COP1: variants seen among roughly 807,000 people sequenced by gnomAD.
COP1 encodes COP1 E3 ubiquitin ligase, also known as E3 ubiquitin-protein ligase COP1.
COP1 carries 24 observed loss-of-function variants against 101.3 expected under a neutral mutation model. That is an observed-to-expected ratio of 0.24 (90% CI 0.17 to 0.33). COP1 has a LOEUF of 0.33. Ranked by LOEUF, COP1 falls within the 10% of genes least tolerant of loss-of-function variation. The probability of loss-of-function intolerance (pLI) is 1.00; values close to 1 mark genes in which losing one functional copy is unlikely to be tolerated. For synonymous variants in COP1, 347 were observed against 341.9 expected (o/e 1.01, Z -0.17); for missense variants, 663 against 906.2 (o/e 0.73, Z 3.45).
At position 176,027,636 on chromosome 1, in the gene COP1, C is replaced by T. The variant is rs767502360; in HGVS notation, c.1665G>A (p.Lys555=). 1.8e-5 allele frequency: 29 copies of T among 1,613,798 alleles called. No homozygotes were observed. Among genetic ancestry groups the T allele is most frequent in the Middle Eastern group, 3.3e-4 (2 of 6,074 alleles). The change falls in exon 15 of 20, where the codon AAG becomes AAA. Residue 555 remains lysine (K), a synonymous_variant. Coordinates refer to ENST00000367669, the MANE Select transcript of COP1 (RefSeq NM_022457.7). ...TGAATTTAACACAGCACACATTAGCCTTTGCCTCAATGCTTGCCACTGAGT... is the reference window on the plus strand; with the variant it reads ...TGAATTTAACACAGCACACATTAGCTTTTGCCTCAATGCTTGCCACTGAGT... The part of the protein sequence containing the change: ...LDNSVASIEA[K]ANVCCVKFSP...
intron 9 of COP1, among the ~76,000 whole-genome samples, chr1:176,095,036 A>G (rs928237539): frequency 1.3e-5 from 2 of 152,182 alleles, no homozygotes; most frequent in African/African-American, 2.4e-5. Flanking sequence ...AATGAAGCTA[A>G]AAGTGTCTGT....
At chr1:176,020,574 A>T (rs1199920541) in intron 15 of COP1, among the ~76,000 whole-genome samples, 1 of 152,110 alleles carries the variant, frequency 6.6e-6, no homozygotes, top group Non-Finnish European at 1.5e-5. Flanking sequence ...GCTGCTCAGG[A>T]GGCTGAGGCA....
At chr1:176,024,504 A>C (rs776147568) in intron 15 of COP1, among the ~76,000 whole-genome samples, 21 of 152,230 alleles carry the variant, frequency 1.4e-4, no homozygotes, top group Non-Finnish European at 3.1e-4. Context: ...GATAAAAAGT[A>C]TCTACAAAAA....
chr1:175,973,139 A>G (rs1558185898), intron 18 of COP1, among the ~76,000 whole-genome samples: 1 of 152,080 alleles, frequency 6.6e-6, no homozygotes. Context: ...GCCAAGCCTT[A>G]TTTTTTTAAC....
At chr1:176,158,656 T>C (rs12734667) in intron 5 of COP1, among the ~76,000 whole-genome samples, 3 of 104,682 alleles carry the variant, frequency 2.9e-5, no homozygotes, top group East Asian at 5.7e-4. Flanking sequence ...TTTTTTTTTG[T>C]GGAGATGGAG....
chr1:176,089,565 A>T (rs1486501998), intron 9 of COP1, among the ~76,000 whole-genome samples: 1 of 152,212 alleles, frequency 6.6e-6, no homozygotes, highest in East Asian at 1.9e-4. Flanking sequence ...TAAAGTAAAA[A>T]GTACTAAGGT....
At chr1:176,057,775 A>G (rs1220162433) in intron 11 of COP1, among the ~76,000 whole-genome samples, 1 of 152,020 alleles carries the variant, frequency 6.6e-6, no homozygotes. Context: ...GGAAGTGAGG[A>G]GCGTCTCTGC....
chr1:176,173,767 C>T (rs1198301301), intron 3 of COP1, among the ~76,000 whole-genome samples: 2 of 151,772 alleles, frequency 1.3e-5, no homozygotes, highest in Admixed American at 6.6e-5. Context: ...GCGGGAGGAT[C>T]GCTTGAGTCC....
chr1:176,153,811 T>A (rs1330035912), intron 5 of COP1, among the ~76,000 whole-genome samples: 1 of 152,230 alleles, frequency 6.6e-6, no homozygotes, highest in Non-Finnish European at 1.5e-5. Context: ...GGGCTGAATT[T>A]TGTTGAAAGT....
At chr1:176,157,521 A>G (rs1398872010) in intron 5 of COP1, among the ~76,000 whole-genome samples, 4 of 152,194 alleles carry the variant, frequency 2.6e-5, no homozygotes, top group Admixed American at 2.0e-4. Flanking sequence ...CAGAGTAGAA[A>G]AACCAAGAAA....
intron 3 of COP1, among the ~76,000 whole-genome samples, chr1:176,172,291 C>T (rs1376032380): frequency 6.6e-6 from 1 of 152,218 alleles, no homozygotes; most frequent in African/African-American, 2.4e-5. Context: ...AGCCTCCTGC[C>T]TCAGCCTTCC....
intron 8 of COP1, among the ~76,000 whole-genome samples, chr1:176,127,183 A>C (rs796614049): frequency 1.2e-4 from 19 of 152,288 alleles, no homozygotes; most frequent in African/African-American, 4.1e-4. Flanking sequence ...TAGCATATCC[A>C]CCACCTCAAA....
At chr1:176,097,015 C>T (rs895688580) in intron 9 of COP1, among the ~76,000 whole-genome samples, 11 of 152,276 alleles carry the variant, frequency 7.2e-5, no homozygotes, top group African/African-American at 2.2e-4. Context: ...TTCTCTTCCC[C>T]TCCACGAAAT....
intron 5 of COP1, among the ~76,000 whole-genome samples, chr1:176,159,631 A>G (rs1458790160): frequency 2.0e-5 from 3 of 151,896 alleles, no homozygotes; most frequent in Non-Finnish European, 4.4e-5. Flanking sequence ...TAAAATAAAT[A>G]AACCAAATCT....
chr1:176,199,141 C>T (rs1002378607), intron 1 of COP1, among the ~76,000 whole-genome samples: 1 of 152,054 alleles, frequency 6.6e-6, no homozygotes, highest in Admixed American at 6.6e-5. Flanking sequence ...CACAGTGAAA[C>T]CCCATCTCTA....
intron 11 of COP1, among the ~76,000 whole-genome samples, chr1:176,052,680 C>G (rs962225777): frequency 6.6e-6 from 1 of 152,180 alleles, no homozygotes; most frequent in Non-Finnish European, 1.5e-5. Context: ...CTCCCTCCCA[C>G]TCTTGCCAAA....
At chr1:176,076,739 A>G (rs967914886) in intron 11 of COP1, among the ~76,000 whole-genome samples, 1 of 152,174 alleles carries the variant, frequency 6.6e-6, no homozygotes, top group Non-Finnish European at 1.5e-5. Context: ...TAACAAAGAA[A>G]AAAAAAGAGA....
chr1:176,082,215 T>C (rs1422070243), intron 10 of COP1, among the ~76,000 whole-genome samples: 2 of 152,220 alleles, frequency 1.3e-5, no homozygotes, highest in Non-Finnish European at 2.9e-5. Context: ...TTTAGTTTCC[T>C]AGACTGAAAC....
intron 18 of COP1, among the ~76,000 whole-genome samples, chr1:175,959,600 CA>C (rs1190983916): frequency 6.6e-6 from 1 of 151,962 alleles, no homozygotes; most frequent in Non-Finnish European, 1.5e-5. Flanking sequence ...GAGAGTTTAG[CA>C]AGATGGTTGG....
Sources: gnomAD v4.1 joint callset for allele counts (sites outside exome capture counted in the v4.1 genomes callset) on GRCh38, gnomAD v4.1.1 for gene constraint, MANE v1.5 for transcripts, NCBI Gene and HGNC (gene_info 2026-07-23, HGNC 2026-07-21) for gene names.